The following ZMYND19 variants were observed in gnomAD, a reference collection of about 807,000 sequenced individuals.
The protein encoded by ZMYND19 is zinc finger MYND domain-containing protein 19.
Under a neutral mutation model 32.0 loss-of-function variants are expected in ZMYND19, and 17 were observed. The observed-to-expected ratio is 0.53, with a 90% CI of 0.36 to 0.80. The LOEUF is 0.80. Among genes scored for constraint, ZMYND19 ranks in the 30% least tolerant of loss-of-function variants. The pLI is 0.00. For synonymous variants in ZMYND19, 124 were observed against 113.6 expected (o/e 1.09, Z -0.58); for missense variants, 250 against 293.6 (o/e 0.85, Z 1.09).
At chr9:137,586,526 G>A (rs1237581763) in intron 4 of ZMYND19, among the ~76,000 whole-genome samples, 1 of 151,120 alleles carries the variant, frequency 6.6e-6, no homozygotes, top group East Asian at 2.0e-4. Flanking sequence ...GGAATCCTGA[G>A]GTGAGAGAAG....
In ZMYND19 at chr9:137,584,109, C is replaced by T. The variant is rs1410185293; in HGVS notation, c.360-946G>A. Reference sequence around the variant, plus strand: ...TCCAGACGGACACACAGCACCCAGCCAGACAGGATGTCAGGCCCACACTGG... The same window carrying T: ...TCCAGACGGACACACAGCACCCAGCTAGACAGGATGTCAGGCCCACACTGG... On this transcript the variant is annotated intron_variant, in intron 4 of 5. Coordinates refer to ENST00000298585, the MANE Select transcript of ZMYND19 (RefSeq NM_138462.3). Among the ~76,000 whole-genome samples, 3 of 152,284 alleles carry T rather than the reference C, an allele frequency of 2.0e-5. No homozygotes were observed. In the East Asian group the frequency reaches 5.8e-4, roughly 29 times the overall value.
chr9:137,588,638 G>A, intron 2 of ZMYND19, 21 bp downstream of exon 2: 12 of 1,613,958 alleles, frequency 7.4e-6, no homozygotes, highest in East Asian at 2.2e-5. Context: ...ATCAGGGGAG[G>A]GAACAGCCAT....
chr9:137,588,624 G>A (rs2259657), intron 2 of ZMYND19, 35 bp downstream of exon 2: 876,594 of 1,612,124 alleles, frequency 0.54, 246,406 homozygotes, highest in African/African-American at 0.83. Context: ...CACTGACCAC[G>A]AGCATCAGGG....
chr9:137,587,227 G>A (rs960953300), intron 3 of ZMYND19, 120 bp from the exon 4 acceptor site: 35 of 1,482,566 alleles, frequency 2.4e-5, no homozygotes, highest in African/African-American at 8.4e-5. Flanking sequence ...TGATCTGATC[G>A]GGCCCCTGGT....
At chr9:137,582,870 G>A (rs866136105) in intron 5 of ZMYND19, 113 bp downstream of exon 5, 7 of 1,524,316 alleles carry the variant, frequency 4.6e-6, no homozygotes, top group Middle Eastern at 4.4e-4. Context: ...AGCCCAAGAG[G>A]TGCTAAGCGG....
Position 137,583,005 on chromosome 9 carries a change from G to A in ZMYND19, c.518C>T (p.Pro173Leu). The change falls in exon 5 of 6, where the codon CCC (proline) becomes CTC (leucine). Residue 173 changes from proline to leucine, a missense_variant. Physicochemically the swap from Pro to Leu is moderately conservative, Grantham distance 98. Transcript: ENST00000298585. Reference sequence around the variant, plus strand: ...CACCTGCTTCTCAATCACTGTGCAGGGAGGGTAGTGGCACTCATAGTAGGT... The same window carrying A: ...CACCTGCTTCTCAATCACTGTGCAGAGAGGGTAGTGGCACTCATAGTAGGT... ...SCTYYECHYP[P>L]CTVIEKQLRE... The A allele has an allele frequency of 6.2e-7, 1 of 1,614,182 alleles. No homozygotes were observed. Among genetic ancestry groups the A allele is most frequent in the Admixed American group, 1.7e-5 (1 of 60,022 alleles).
intron 4 of ZMYND19, among the ~76,000 whole-genome samples, chr9:137,585,841 C>T (rs899473636): frequency 2.6e-5 from 4 of 152,274 alleles, no homozygotes; most frequent in Admixed American, 2.6e-4. Context: ...AAACACTAAA[C>T]CTTACCAGCG....
At chr9:137,587,355 C>T (rs1401865872) in intron 3 of ZMYND19, 2 of 643,692 alleles carry the variant, frequency 3.1e-6, no homozygotes, top group Admixed American at 6.0e-5. Flanking sequence ...AGAGCACAGA[C>T]AGCCAAAGCT....
Position 137,582,414 on chromosome 9 carries a change from G to C in ZMYND19, c.*129C>G. On this transcript the variant is annotated 3_prime_UTR_variant, in exon 6 of 6. Transcript: ENST00000298585. ...CCACACAGACTGCCTGTGACATCGGGAGTCTCACGGCAGCTGTCCTGGGCC... is the reference window on the plus strand; with the variant it reads ...CCACACAGACTGCCTGTGACATCGGCAGTCTCACGGCAGCTGTCCTGGGCC... 3 of 1,316,926 alleles carry C rather than the reference G, an allele frequency of 2.3e-6. No homozygotes were observed. The highest frequency in any genetic ancestry group is 3.1e-6 in the Non-Finnish European group (3 of 972,474). 81.6% of individuals were successfully genotyped at this position (1,316,926 alleles called of 1,614,324 possible). A position where few individuals can be genotyped will look rare whatever the true frequency, so the allele number is the denominator to read the frequency against.
At chr9:137,585,414 C>CA (rs143309893) in intron 4 of ZMYND19, among the ~76,000 whole-genome samples, 2,107 of 84,284 alleles carry the variant, frequency 0.025, 57 homozygotes, top group African/African-American at 0.061. Context: ...GACTCCGTCT[C>CA]AAAAAAAAAA....
intron 4 of ZMYND19, among the ~76,000 whole-genome samples, chr9:137,586,299 G>A (rs1322409214): frequency 6.6e-6 from 1 of 151,880 alleles, no homozygotes; most frequent in Non-Finnish European, 1.5e-5. Flanking sequence ...GGTGAGCAGA[G>A]AAGGAAGGAA....
intron 1 of ZMYND19, chr9:137,589,679 C>T (rs780687201): frequency 2.7e-5 from 27 of 985,366 alleles, no homozygotes; most frequent in Middle Eastern, 5.2e-4. Flanking sequence ...GTCTGAGGCT[C>T]AGCCTAACGT....
At chr9:137,589,775 G>A in intron 1 of ZMYND19, 2 of 985,490 alleles carry the variant, frequency 2.0e-6, no homozygotes, top group Non-Finnish European at 2.4e-6. Context: ...ACCCGCCTCG[G>A]CGAGAGGTGT....
At chr9:137,586,734 A>G (rs1345282297) in intron 4 of ZMYND19, among the ~76,000 whole-genome samples, 1 of 152,246 alleles carries the variant, frequency 6.6e-6, no homozygotes, top group African/African-American at 2.4e-5. Flanking sequence ...GGAGGTTCCC[A>G]GAGCCAATTA....
In ZMYND19 at chr9:137,590,228, G is replaced by T; in HGVS notation, c.36C>A (p.Gly12=). Residue 12 remains glycine (G), a synonymous_variant, in exon 1 of 6, where the codon GGC becomes GGA. Coordinates refer to ENST00000298585, the MANE Select transcript of ZMYND19 (RefSeq NM_138462.3). This position sits in a 1 kb window ranked among gnomAD's most constrained non-coding sequence, Gnocchi z 4.2. ...TDFKLGIVRL[G]RVAGKTKYTL... ...CGCCGCTCACCTTCCCGGCCACCCG[G>T]CCGAGCCGCACGATACCCAATTTGA... 1.7e-6 allele frequency: 2 copies of T among 1,143,692 alleles called. No individual in the cohort carries two copies. Among genetic ancestry groups the T allele is most frequent in the South Asian group, 1.9e-5 (1 of 52,398 alleles). The allele number at this position is 1,143,692 out of a possible 1,614,324, so 70.8% of individuals were successfully genotyped here.
Position 137,590,328 on chromosome 9 carries a change from C to A in ZMYND19, c.-65G>T, listed in dbSNP as rs1264027882. ...GGGAGGCGCCGAGCGGGGGCCGGGG[C>A]GAGGCCGCGGCGCGCCGGGACAGGA... On this transcript the variant is annotated 5_prime_UTR_variant, in exon 1 of 6. Coordinates refer to ENST00000298585, the MANE Select transcript of ZMYND19 (RefSeq NM_138462.3). This position sits in a 1 kb window ranked among gnomAD's most constrained non-coding sequence, Gnocchi z 4.2. The A allele has an allele frequency of 1.0e-6, 1 of 987,828 alleles. No homozygotes were observed. The highest frequency in any genetic ancestry group is 1.2e-6 in the Non-Finnish European group (1 of 826,686). The allele number at this position is 987,828 out of a possible 1,614,324, so 61.2% of individuals were successfully genotyped here. A position where few individuals can be genotyped will look rare whatever the true frequency, so the allele number is the denominator to read the frequency against.
intron 4 of ZMYND19, among the ~76,000 whole-genome samples, chr9:137,586,607 G>C (rs996218365): frequency 6.6e-6 from 1 of 152,116 alleles, no homozygotes; most frequent in Non-Finnish European, 1.5e-5. Context: ...CTGAGGTGAG[G>C]AGAGAAGGCT....
chr9:137,587,012 G>A lies in ZMYND19; in HGVS notation c.314C>T (p.Pro105Leu), dbSNP rs748876478. 4.3e-6 allele frequency: 7 copies of A among 1,612,362 alleles called. No homozygotes were observed. Among genetic ancestry groups the A allele is most frequent in the East Asian group, 2.2e-5 (1 of 44,880 alleles). Residue 105 changes from proline to leucine, a missense_variant, in exon 4 of 6, where the codon CCG becomes CTG. Coordinates refer to ENST00000298585, the MANE Select transcript of ZMYND19 (RefSeq NM_138462.3). ...DNRLDNLQLV[P>L]WGWRPKAEET... is the part of the protein sequence containing the mutation. ...TTCAGCCTTGGGCCGCCAGCCCCACGGCACCAGTTGCAGGTTGTCCAGGCG... is the reference window on the plus strand; with the variant it reads ...TTCAGCCTTGGGCCGCCAGCCCCACAGCACCAGTTGCAGGTTGTCCAGGCG...
Position 137,583,064 on chromosome 9 carries a change from G to C in ZMYND19, c.459C>G (p.Asn153Lys). ...TCTCCTCCTCTTCCACTACATCCCC[G>C]TTGGCATTATAATACCGGGTCACAT... ...VLNVTRYYNANGDVVEEEENS... is the reference protein window; with the variant it reads ...VLNVTRYYNAKGDVVEEEENS... The change falls in exon 5 of 6, where the codon AAC becomes AAG. Residue 153 changes from asparagine to lysine, a missense_variant. By Grantham distance (94) the Asn-to-Lys change is moderately conservative. Coordinates refer to ENST00000298585, the MANE Select transcript of ZMYND19 (RefSeq NM_138462.3). 1 of 1,614,166 alleles carries C rather than the reference G, an allele frequency of 6.2e-7. No individual in the cohort carries two copies. The highest frequency in any genetic ancestry group is 1.3e-5 in the African/African-American group (1 of 75,046).
Sources: gnomAD v4.1 joint callset for allele counts (sites outside exome capture counted in the v4.1 genomes callset) on GRCh38, gnomAD v4.1.1 for gene constraint, Gnocchi (gnomAD v3.1) non-coding constraint, MANE v1.5 for transcripts, NCBI Gene and HGNC (gene_info 2026-07-23, HGNC 2026-07-21) for gene names.